DGAT2: variants seen among roughly 807,000 people sequenced by gnomAD.
The protein encoded by DGAT2 is diacylglycerol O-acyltransferase 2, also known as acyl-CoA retinol O-fatty-acyltransferase.
DGAT2 carries 33 observed loss-of-function variants against 48.4 expected under a neutral mutation model. That is an observed-to-expected ratio of 0.68 (90% CI 0.52 to 0.91). The LOEUF (loss-of-function observed/expected upper bound fraction) is 0.91. DGAT2 is among the 40% of genes least tolerant of loss of function. The pLI is 0.00. For synonymous variants in DGAT2, 191 were observed against 194.1 expected (o/e 0.98, Z 0.13); for missense variants, 446 against 493.7 (o/e 0.90, Z 0.92).
At chr11:75,796,726 C>T (rs1590876454) in intron 5 of DGAT2, 194 bp downstream of exon 5, 3 of 607,798 alleles carry the variant, frequency 4.9e-6, no homozygotes, top group Admixed American at 3.1e-5. Context: ...GAATTCAACT[C>T]GGATAACATC....
At position 75,796,438 on chromosome 11, in the gene DGAT2, A is replaced by G; in HGVS notation, c.540A>G (p.Glu180=). ...GCAACTTCAGCACAGAGGCCACAGA[A>G]GTGAGCAAGAAGTTCCCAGGCATAC... ...AFCNFSTEAT[E]VSKKFPGIRP... is the part of the protein sequence containing the mutation. The change falls in exon 5 of 8, where the codon GAA becomes GAG. Residue 180 remains glutamate (E), a synonymous_variant. Coordinates refer to ENST00000228027, the MANE Select transcript of DGAT2 (RefSeq NM_032564.5). 1 of 1,614,152 alleles carries G rather than the reference A, an allele frequency of 6.2e-7. No individual in the cohort carries two copies. The highest frequency in any genetic ancestry group is 8.5e-7 in the Non-Finnish European group (1 of 1,180,018).
Position 75,798,511 on chromosome 11 carries a change from A to G in DGAT2, c.1012+82A>G, listed in dbSNP as rs573951845. ...AATCAGCAGTAGAGACGGGATTCCA[A>G]TGCAGGCCACCTGGCTCTGATGGCC... On this transcript the variant is annotated intron_variant, in intron 7 of 7. Transcript: ENST00000228027. 6.3e-4 allele frequency: 934 copies of G among 1,486,640 alleles called. 3 individuals are homozygous for G. The highest frequency in any genetic ancestry group is 7.2e-4 in the Non-Finnish European group (793 of 1,094,152). The allele number at this position is 1,486,640 out of a possible 1,614,324, so 92.1% of individuals were successfully genotyped here.
intron 1 of DGAT2, among the ~76,000 whole-genome samples, chr11:75,775,626 GCAT>G (rs1944796848): frequency 1.3e-5 from 2 of 152,194 alleles, no homozygotes; most frequent in South Asian, 4.1e-4. Context: ...CCTAGACCTA[GCAT>G]CCCAGTCCTT....
chr11:75,775,633 AG>A (rs1944796937), intron 1 of DGAT2, among the ~76,000 whole-genome samples: 1 of 152,176 alleles, frequency 6.6e-6, no homozygotes, highest in African/African-American at 2.4e-5. Context: ...CTAGCATCCC[AG>A]TCCTTCATGC....
intron 2 of DGAT2, among the ~76,000 whole-genome samples, chr11:75,785,569 G>A (rs1318936160): frequency 6.6e-6 from 1 of 152,272 alleles, no homozygotes; most frequent in African/African-American, 2.4e-5. Context: ...GAGGGAAGAA[G>A]CCTCTTGTTT....
At position 75,789,840 on chromosome 11, in the gene DGAT2, T is replaced by C. The variant is rs138633552; in HGVS notation, c.251-348T>C. ...CTCCCCTTATCCACAGTGTCTGGGCTGGGTGCTGGCATGGGGGCGCACACA... is the reference window on the plus strand; with the variant it reads ...CTCCCCTTATCCACAGTGTCTGGGCCGGGTGCTGGCATGGGGGCGCACACA... On this transcript the variant is annotated intron_variant, in intron 2 of 7. Transcript: ENST00000228027. Among the ~76,000 whole-genome samples, 1,279 of 152,304 alleles carry C rather than the reference T, an allele frequency of 8.4e-3. 9 individuals are homozygous for C. The highest frequency in any genetic ancestry group is 0.014 in the Non-Finnish European group (952 of 68,014).
chr11:75,800,215 G>A, intron 7 of DGAT2, 139 bp from the exon 8 acceptor site: 1 of 1,126,470 alleles, frequency 8.9e-7, no homozygotes, highest in South Asian at 1.7e-5. Context: ...GGGACAACCA[G>A]AGATGCAGCA....
rs188380056 is a variant in DGAT2 at position 75,796,887 on chromosome 11, C to T, written c.635-271C>T. The T allele has an allele frequency of 1.7e-3, 731 of 440,780 alleles. 2 individuals are homozygous for T. The highest frequency in any genetic ancestry group is 4.5e-3 in the African/African-American group (226 of 50,650). The allele number at this position is 440,780 out of a possible 1,614,324, so 27.3% of individuals were successfully genotyped here. A position where few individuals can be genotyped will look rare whatever the true frequency, so the allele number is the denominator to read the frequency against. On this transcript the variant is annotated intron_variant, in intron 5 of 7. Transcript: ENST00000228027. Reference sequence around the variant, plus strand: ...TGATGCATTGGGATCCCCAACACCTCGCACCGACTTGGCAGAATTAGGGCC... The same window carrying T: ...TGATGCATTGGGATCCCCAACACCTTGCACCGACTTGGCAGAATTAGGGCC...
chr11:75,790,351 G>T lies in DGAT2; in HGVS notation c.358+56G>T, dbSNP rs1944973721. On this transcript the variant is annotated intron_variant, in intron 3 of 7. Coordinates refer to ENST00000228027, the MANE Select transcript of DGAT2 (RefSeq NM_032564.5). The stretch of plus-strand genomic sequence containing the variant: ...TCATTCTAGGGATGCTCTTCCCCCT[G>T]CACAAGCTGAAGGGCCTCATCCTGA... 4 of 1,424,596 alleles carry T rather than the reference G, an allele frequency of 2.8e-6. No individual in the cohort carries two copies. In the Admixed American group the frequency reaches 5.0e-5, roughly 18 times the overall value. 88.2% of individuals were successfully genotyped at this position (1,424,596 alleles called of 1,614,324 possible).
chr11:75,772,220 C>T (rs1203854119), intron 1 of DGAT2, among the ~76,000 whole-genome samples: 4 of 152,180 alleles, frequency 2.6e-5, no homozygotes, highest in Non-Finnish European at 4.4e-5. Flanking sequence ...CAAGCCTGCC[C>T]TAGTGGATTA....
At chr11:75,788,142 C>G (rs1944942194) in intron 2 of DGAT2, among the ~76,000 whole-genome samples, 1 of 152,130 alleles carries the variant, frequency 6.6e-6, no homozygotes, top group African/African-American at 2.4e-5. Context: ...TAGCCTAAAC[C>G]TCATCGTCCC....
chr11:75,772,519 A>T (rs1712443245), intron 1 of DGAT2, among the ~76,000 whole-genome samples: 1 of 152,100 alleles, frequency 6.6e-6, no homozygotes, highest in Admixed American at 6.5e-5. Context: ...CTGGCTTTAC[A>T]ACAGTCAATC....
intron 1 of DGAT2, among the ~76,000 whole-genome samples, chr11:75,773,188 G>T (rs915447549): frequency 3.3e-5 from 5 of 152,210 alleles, no homozygotes; most frequent in Non-Finnish European, 7.3e-5. Flanking sequence ...TTTAGCTTCA[G>T]TGTGATTCCT....
intron 4 of DGAT2, among the ~76,000 whole-genome samples, chr11:75,791,865 C>T (rs747211048): frequency 3.3e-5 from 5 of 152,352 alleles, no homozygotes; most frequent in Admixed American, 6.5e-5. Flanking sequence ...GTGTCTATTG[C>T]ATCCTGATAG....
chr11:75,777,147 C>T (rs1244406414), intron 1 of DGAT2, among the ~76,000 whole-genome samples: 1 of 151,886 alleles, frequency 6.6e-6, no homozygotes, highest in Non-Finnish European at 1.5e-5. Flanking sequence ...CCCCCACCCC[C>T]ACCCCTGCCT....
chr11:75,784,065 G>T (rs1178278745), intron 1 of DGAT2, among the ~76,000 whole-genome samples: 4 of 152,052 alleles, frequency 2.6e-5, no homozygotes, highest in African/African-American at 9.7e-5. Context: ...GTGGTGTTGG[G>T]GGTGGGGGCA....
chr11:75,772,439 C>T (rs1944767927), intron 1 of DGAT2, among the ~76,000 whole-genome samples: 1 of 152,138 alleles, frequency 6.6e-6, no homozygotes, highest in African/African-American at 2.4e-5. Flanking sequence ...GTTCCTGCAG[C>T]ATTACTCCCA....
intron 2 of DGAT2, among the ~76,000 whole-genome samples, chr11:75,789,653 T>C (rs1944962687): frequency 6.6e-6 from 1 of 152,216 alleles, no homozygotes; most frequent in African/African-American, 2.4e-5. Flanking sequence ...TGTGTTTGAA[T>C]CCTGGCTCTG....
chr11:75,796,131 G>A, intron 4 of DGAT2, 197 bp from the exon 5 acceptor site: 1 of 624,392 alleles, frequency 1.6e-6, no homozygotes, highest in Admixed American at 2.6e-5. Context: ...GAGACCCACA[G>A]TGCAAATGGT....
Sources: gnomAD v4.1 joint callset for allele counts (sites outside exome capture counted in the v4.1 genomes callset) on GRCh38, gnomAD v4.1.1 for gene constraint, MANE v1.5 for transcripts, NCBI Gene and HGNC (gene_info 2026-07-23, HGNC 2026-07-21) for gene names.